CROCC: variants seen among roughly 807,000 people sequenced by gnomAD.
The protein encoded by CROCC is rootletin.
A neutral mutation model predicts 245.2 loss-of-function variants in CROCC; 180 were observed. That is an observed-to-expected ratio of 0.73 (90% CI 0.65 to 0.83). The LOEUF is 0.83. Among genes scored for constraint, CROCC ranks in the 40% least tolerant of loss-of-function variants. The pLI, the probability that CROCC is intolerant of heterozygous loss-of-function variation, is 0.00. For missense variants in CROCC, 2,688 were observed against 2,779.4 expected (o/e 0.97, Z 0.74); for synonymous variants, 1,205 against 1,241.6 (o/e 0.97, Z 0.62).
chr1:16,937,413 C>T (rs566787061), intron 9 of CROCC, among the ~76,000 whole-genome samples: 1 of 152,120 alleles, frequency 6.6e-6, no homozygotes, highest in Non-Finnish European at 1.5e-5. Flanking sequence ...TGGACAAGTC[C>T]TCAACTGCTT....
intron 35 of CROCC, 24 bp downstream of exon 35, chr1:16,970,791 C>T (rs754428508): frequency 9.7e-6 from 15 of 1,544,940 alleles, no homozygotes; most frequent in Admixed American, 2.1e-5. Context: ...CAGTCCGGGA[C>T]CCCAACTTCA....
chr1:16,959,684 GAT>G (rs2076299069), intron 26 of CROCC, among the ~76,000 whole-genome samples: 1 of 152,176 alleles, frequency 6.6e-6, no homozygotes, highest in Non-Finnish European at 1.5e-5. Context: ...ATCAGGAAAT[GAT>G]ATTTTAGTGC....
At position 16,972,421 on chromosome 1, in the gene CROCC, C is replaced by T; in HGVS notation, c.6029C>T (p.Pro2010Leu). The T allele has an allele frequency of 1.2e-6, 2 of 1,613,428 alleles. No individual in the cohort carries two copies. Among genetic ancestry groups the T allele is most frequent in the East Asian group, 4.5e-5 (2 of 44,810 alleles). ...CGAAGGAGCTCAGCACCCTTCTCCC[C>T]ACCCTCCGGCCCCCCAGAGAAATGA... ...ELRRSSAPFS[P>L]PSGPPEK Residue 2010 changes from proline (P) to leucine (L), a missense_variant, in exon 37 of 37, where the codon CCA becomes CTA. Pro to Leu is a moderately conservative substitution (Grantham distance 98). This residue lies in a region of CROCC where 1,218 missense variants were observed against 1,286.3 expected (regional missense o/e 0.95). Coordinates refer to ENST00000375541, the MANE Select transcript of CROCC (RefSeq NM_014675.5).
At position 16,970,284 on chromosome 1, in the gene CROCC, C is replaced by T. The variant is rs1486538591; in HGVS notation, c.5483C>T (p.Ala1828Val). Residue 1828 changes from alanine (A) to valine (V), a missense_variant, in exon 34 of 37, where the codon GCA (alanine) becomes GTA (valine). Around this residue, in one of 9 missense-constraint regions of CROCC, gnomAD observed 1,218 missense variants for 1,286.3 expected, o/e 0.95. Coordinates refer to ENST00000375541, the MANE Select transcript of CROCC (RefSeq NM_014675.5). ...VLRQRQEGEA[A>V]ALNTVQKLQD... ...CGGCAGCGGCAGGAGGGTGAGGCTG[C>T]AGCCCTGAACACCGTCCAGAAGCTG... The T allele has an allele frequency of 6.4e-7, 1 of 1,568,858 alleles. No homozygotes were observed. Among genetic ancestry groups the T allele is most frequent in the Non-Finnish European group, 8.7e-7 (1 of 1,156,058 alleles).
chr1:16,925,221 G>T (rs2075507487), intron 3 of CROCC, among the ~76,000 whole-genome samples: 1 of 152,284 alleles, frequency 6.6e-6, no homozygotes, highest in African/African-American at 2.4e-5. Context: ...TATGTGTGCA[G>T]ATGAGAGGCA....
Position 16,970,320 on chromosome 1 carries a change from G to A in CROCC, c.5519G>A (p.Arg1840Gln), listed in dbSNP as rs996889794. Residue 1840 changes from arginine (R) to glutamine (Q), a missense_variant, in exon 34 of 37, where the codon CGG becomes CAG. Around this residue, in one of 9 missense-constraint regions of CROCC, gnomAD observed 1,218 missense variants for 1,286.3 expected, o/e 0.95. Transcript: ENST00000375541. Reference protein sequence around the residue: ...LNTVQKLQDERRLLQERLGSL... With the variant: ...LNTVQKLQDEQRLLQERLGSL... The stretch of plus-strand genomic sequence containing the variant: ...ACCGTCCAGAAGCTGCAAGACGAGC[G>A]GCGGCTGCTGCAGGAGCGCCTGGGA... The A allele has an allele frequency of 1.2e-5, 19 of 1,585,450 alleles. No individual in the cohort carries two copies. The highest frequency in any genetic ancestry group is 1.7e-4 in the Middle Eastern group (1 of 6,040).
At chr1:16,937,596 G>A (rs765324883) in intron 9 of CROCC, 45 bp from the exon 10 acceptor site, 3 of 1,505,488 alleles carry the variant, frequency 2.0e-6, no homozygotes, top group Admixed American at 1.7e-5. Flanking sequence ...GATTTGAGAA[G>A]CTGGGGTGGT....
chr1:16,936,927 T>G, intron 9 of CROCC, 54 bp downstream of exon 9: 4 of 1,528,866 alleles, frequency 2.6e-6, no homozygotes, highest in Non-Finnish European at 3.6e-6. Context: ...AAGGTAAAAC[T>G]GGAGAGTTGG....
At chr1:16,949,046 C>T (rs2076115241) in intron 19 of CROCC, 120 bp downstream of exon 19, 1 of 1,340,032 alleles carries the variant, frequency 7.5e-7, no homozygotes, top group South Asian at 1.5e-5. Flanking sequence ...GGCCTGGGTT[C>T]CAGTCCTGTG....
intron 2 of CROCC, among the ~76,000 whole-genome samples, chr1:16,923,315 C>T (rs577347503): frequency 2.4e-4 from 36 of 152,378 alleles, no homozygotes; most frequent in African/African-American, 8.4e-4. Context: ...TGGCGTGTGG[C>T]GTTTTGGTGC....
rs532949021 is a variant in CROCC, at chr1:16,971,484, A to G, written c.5804A>G (p.Glu1935Gly). ...CTGCAGGCGCAGGTGGTGGTGCTGG[A>G]GCAGAGCCACAGCCCGGCCCAGCTG... is the stretch of plus-strand genomic sequence containing the variant. Reference protein sequence around the residue: ...QQLEAQVVVLEQSHSPAQLEV... With the variant: ...QQLEAQVVVLGQSHSPAQLEV... Residue 1935 changes from glutamate (E) to glycine (G), a missense_variant, in exon 36 of 37, where the codon GAG (glutamate) becomes GGG (glycine). This residue lies in a region of CROCC where 1,218 missense variants were observed against 1,286.3 expected (regional missense o/e 0.95). Transcript: ENST00000375541. The G allele has an allele frequency of 1.0e-5, 16 of 1,536,556 alleles. No homozygotes were observed. Among genetic ancestry groups the G allele is most frequent in the Non-Finnish European group, 1.4e-5 (16 of 1,146,204 alleles).
chr1:16,915,569 G>A (rs1395074961), intron 1 of CROCC, among the ~76,000 whole-genome samples: 1 of 152,228 alleles, frequency 6.6e-6, no homozygotes, highest in African/African-American at 2.4e-5. Flanking sequence ...AAGCCCAGGA[G>A]GTCAACGCTG....
chr1:16,971,226 T>TGTGC, intron 35 of CROCC, among the ~76,000 whole-genome samples: 1 of 151,460 alleles, frequency 6.6e-6, no homozygotes, highest in Middle Eastern at 3.5e-3. Context: ...TGTGTGTGTG[T>TGTGC]GTGTGTGTGT....
intron 27 of CROCC, among the ~76,000 whole-genome samples, chr1:16,963,876 A>G (rs2076374162): frequency 6.6e-6 from 1 of 151,334 alleles, no homozygotes; most frequent in South Asian, 2.1e-4. Context: ...ACTCACTGCA[A>G]CCTCCGCCTG....
upstream of CROCC, among the ~76,000 whole-genome samples, chr1:16,921,672 T>C (rs933458780): frequency 6.6e-6 from 1 of 152,262 alleles, no homozygotes; most frequent in African/African-American, 2.4e-5. Flanking sequence ...CTGCGCAGGG[T>C]GAAGAGTGTG....
rs769667982 is a variant in CROCC, at chr1:16,924,434, C to T, written c.306C>T (p.Ala102=). The change falls in exon 3 of 37, where the codon GCC becomes GCT. Residue 102 remains alanine, a synonymous_variant. Transcript: ENST00000375541. ...AGGACCTGCTGGCCCAGAGCCGTGCCGAGCGCGATGAGCTCGCCATTAAGT... is the reference window on the plus strand; with the variant it reads ...AGGACCTGCTGGCCCAGAGCCGTGCTGAGCGCGATGAGCTCGCCATTAAGT... The part of the protein sequence containing the change: ...RVEDLLAQSR[A]ERDELAIKYN... 86 of 1,613,232 alleles carry T rather than the reference C, an allele frequency of 5.3e-5. No individual in the cohort carries two copies. The East Asian group carries it at 1.6e-3, about 31-fold the overall frequency.
At chr1:16,939,266 C>T (rs1340991955) in intron 12 of CROCC, 124 bp downstream of exon 12, 5 of 881,708 alleles carry the variant, frequency 5.7e-6, no homozygotes, top group Non-Finnish European at 6.3e-6. Context: ...GTCTGAGCGC[C>T]CTGGGGTGCA....
At chr1:16,934,144 A>G (rs1335083459) in intron 8 of CROCC, among the ~76,000 whole-genome samples, 1 of 152,220 alleles carries the variant, frequency 6.6e-6, no homozygotes, top group African/African-American at 2.4e-5. Flanking sequence ...GATCCAACCC[A>G]CTCATCAAAG....
At chr1:16,967,067 AAAGAAG>A (rs540383350) in intron 30 of CROCC, among the ~76,000 whole-genome samples, 1 of 151,460 alleles carries the variant, frequency 6.6e-6, no homozygotes, top group African/African-American at 2.4e-5. Flanking sequence ...AAGAAAAAAA[AAAGAAG>A]AAGAAGAAGA....
Sources: gnomAD v4.1 joint callset for allele counts (sites outside exome capture counted in the v4.1 genomes callset) on GRCh38, gnomAD v4.1.1 for gene constraint, gnomAD v4.1.1 regional missense constraint, MANE v1.5 for transcripts, NCBI Gene and HGNC (gene_info 2026-07-23, HGNC 2026-07-21) for gene names.